Variants in MYRFL observed in about 807,000 individuals in gnomAD.
MYRFL encodes the protein myelin regulatory factor like.
A neutral mutation model predicts 109.4 loss-of-function variants in MYRFL; 88 were observed. The observed-to-expected ratio is 0.80, with a 90% CI of 0.68 to 0.96. The LOEUF (loss-of-function observed/expected upper bound fraction) is 0.96, where lower values mean the gene tolerates loss of function less well. Ranked by LOEUF, MYRFL falls within the 40% of genes least tolerant of loss-of-function variation. MYRFL has a pLI of 0.00. For missense variants in MYRFL, 957 were observed against 954.9 expected, an observed-to-expected ratio of 1.00 and a Z score of -0.03; for synonymous variants, 324 against 320.9, an observed-to-expected ratio of 1.01 and a Z score of -0.10.
chr12:69,880,037 C>A (rs1262174614), intron 4 of MYRFL, among the ~76,000 whole-genome samples, 164 bp from the exon 5 acceptor site: 74 of 152,108 alleles, frequency 4.9e-4, no homozygotes, highest in Admixed American at 4.8e-3. Context: ...AATCTCAGAT[C>A]CACTTGATCA....
At chr12:69,872,185 C>G (rs1306315869) in intron 2 of MYRFL, among the ~76,000 whole-genome samples, 1 of 152,224 alleles carries the variant, frequency 6.6e-6, no homozygotes, top group East Asian at 1.9e-4. Flanking sequence ...TCAGTTTTAG[C>G]TATTATTCAT....
At chr12:69,955,889 C>T (rs1956082756) in intron 22 of MYRFL, among the ~76,000 whole-genome samples, 1 of 151,370 alleles carries the variant, frequency 6.6e-6, no homozygotes, top group Non-Finnish European at 1.5e-5. Context: ...TTGGACAGAC[C>T]AGGGTCCAAG....
At chr12:69,952,084 C>G in intron 19 of MYRFL, 29 bp from the exon 20 acceptor site, 1 of 1,533,732 alleles carries the variant, frequency 6.5e-7, no homozygotes, top group Non-Finnish European at 8.7e-7. Context: ...AACAAGCCTT[C>G]AAGATTGACA....
intron 1 of MYRFL, among the ~76,000 whole-genome samples, chr12:69,828,686 A>G (rs1882436823): frequency 1.3e-5 from 2 of 152,102 alleles, no homozygotes; most frequent in Admixed American, 6.6e-5. Context: ...TTTACATCAT[A>G]TCATTTTATT....
chr12:69,940,660 C>G (rs571017408), intron 19 of MYRFL, among the ~76,000 whole-genome samples: 41 of 152,062 alleles, frequency 2.7e-4, no homozygotes, highest in African/African-American at 9.2e-4. Context: ...ATCATAATGA[C>G]AGGATCAAAT....
chr12:69,871,524 G>A (rs1305864399), intron 2 of MYRFL, among the ~76,000 whole-genome samples: 3 of 152,062 alleles, frequency 2.0e-5, no homozygotes, highest in South Asian at 2.1e-4. Context: ...GGGCCACCGC[G>A]CCTGGCCCTC....
At chr12:69,936,803 G>A (rs1365868284) in intron 19 of MYRFL, among the ~76,000 whole-genome samples, 171 bp downstream of exon 19, 3 of 152,188 alleles carry the variant, frequency 2.0e-5, no homozygotes, top group African/African-American at 7.2e-5. Flanking sequence ...CTGTAATATT[G>A]AGTTCCTTGC....
At chr12:69,919,086 A>G (rs1954829868) in intron 13 of MYRFL, among the ~76,000 whole-genome samples, 1 of 152,218 alleles carries the variant, frequency 6.6e-6, no homozygotes, top group Non-Finnish European at 1.5e-5. Flanking sequence ...CCCTGCACTC[A>G]GGTGAGTGTC....
Position 69,895,374 on chromosome 12 carries a change from T to C in MYRFL, c.984T>C (p.Ile328=), listed in dbSNP as rs1221023152. 4.6e-6 allele frequency: 7 copies of C among 1,533,122 alleles called. No homozygotes were observed. In the African/African-American group the frequency reaches 9.6e-5, roughly 21 times the overall value. The allele number at this position is 1,533,122 out of a possible 1,614,324, so 95.0% of individuals were successfully genotyped here. The change falls in exon 9 of 25, where the codon ATT becomes ATC. Residue 328 remains isoleucine, a synonymous_variant. Coordinates refer to ENST00000552032, the MANE Select transcript of MYRFL (RefSeq NM_182530.3). The part of the protein sequence containing the change: ...RSKKIFNPVK[I]DLLADQVTKV... ...TTTTTTTTGCTGTTTGTTTTAGAAT[T>C]GACCTACTGGCTGACCAGGTCACCA...
At chr12:69,944,696 A>AT (rs1955777445) in intron 19 of MYRFL, among the ~76,000 whole-genome samples, 1 of 152,056 alleles carries the variant, frequency 6.6e-6, no homozygotes, top group African/African-American at 2.4e-5. Flanking sequence ...ATAAAAGAAA[A>AT]AAAAAGAAAA....
intron 1 of MYRFL, among the ~76,000 whole-genome samples, chr12:69,837,948 GCAGT>G (rs1293265284): frequency 3.9e-5 from 6 of 152,130 alleles, no homozygotes; most frequent in Non-Finnish European, 8.8e-5. Context: ...CTGGTACATA[GCAGT>G]CACTCAAATG....
intron 16 of MYRFL, among the ~76,000 whole-genome samples, chr12:69,932,883 T>TGTGTGTG (rs1555257501): frequency 2.1e-4 from 11 of 52,692 alleles, no homozygotes; most frequent in African/African-American, 1.5e-4. Flanking sequence ...GTGTGTGTGT[T>TGTGTGTG]TGTGTGTGTG....
At chr12:69,945,069 G>A (rs1020477891) in intron 19 of MYRFL, among the ~76,000 whole-genome samples, 1 of 152,052 alleles carries the variant, frequency 6.6e-6, no homozygotes, top group Admixed American at 6.5e-5. Context: ...TTGTACAGCT[G>A]TACAATGTGT....
In MYRFL at chr12:69,825,511, C is replaced by G. The variant is rs1882219389; in HGVS notation, c.-7C>G. ...TTATGAGGAAATAGTACTAGGATCA[C>G]AGTACCATGGATGTGGTAGGCGAAA... On this transcript the variant is annotated 5_prime_UTR_variant, in exon 1 of 25. Transcript: ENST00000552032. 1.4e-6 allele frequency: 1 copy of G among 701,714 alleles called. No individual in the cohort carries two copies. The highest frequency in any genetic ancestry group is 1.7e-5 in the African/African-American group (1 of 57,178). The allele number at this position is 701,714 out of a possible 1,614,324, so 43.5% of individuals were successfully genotyped here.
At chr12:69,887,964 C>T (rs2136336574) in intron 6 of MYRFL, among the ~76,000 whole-genome samples, 1 of 152,214 alleles carries the variant, frequency 6.6e-6, no homozygotes, top group Middle Eastern at 3.4e-3. Context: ...GGGAACATTC[C>T]ATGTTTTGTA....
At chr12:69,853,499 C>T (rs564977369) in intron 1 of MYRFL, among the ~76,000 whole-genome samples, 13 of 151,174 alleles carry the variant, frequency 8.6e-5, no homozygotes, top group Admixed American at 2.0e-4. Context: ...GGCAGAGGCG[C>T]GCCTCACATC....
chr12:69,947,952 A>ATCTT (rs1420651818), intron 19 of MYRFL, among the ~76,000 whole-genome samples: 1 of 152,172 alleles, frequency 6.6e-6, no homozygotes, highest in Non-Finnish European at 1.5e-5. Flanking sequence ...ACCATCCTAA[A>ATCTT]TCTTTACTCT....
At chr12:69,862,313 G>A (rs1884733381) in intron 2 of MYRFL, among the ~76,000 whole-genome samples, 2 of 150,776 alleles carry the variant, frequency 1.3e-5, no homozygotes, top group African/African-American at 4.8e-5. Context: ...GATGGGGATG[G>A]CATTGAATCT....
At chr12:69,958,418 C>CTT (rs35912210) in intron 24 of MYRFL, 27 bp from the exon 25 acceptor site, 27 of 1,207,202 alleles carry the variant, frequency 2.2e-5, no homozygotes, top group African/African-American at 3.1e-5. Flanking sequence ...ATTAATCTTC[C>CTT]TTTTTTTTTT....
Sources: gnomAD v4.1 joint callset for allele counts (sites outside exome capture counted in the v4.1 genomes callset) on GRCh38, gnomAD v4.1.1 for gene constraint, MANE v1.5 for transcripts, NCBI Gene and HGNC (gene_info 2026-07-23, HGNC 2026-07-21) for gene names.